DCC: variants seen among roughly 807,000 people sequenced by gnomAD.
DCC encodes netrin receptor DCC.
DCC carries 58 observed loss-of-function variants against 172.5 expected under a neutral mutation model. The observed-to-expected ratio is 0.34, with a 90% CI of 0.27 to 0.42. The LOEUF (loss-of-function observed/expected upper bound fraction) is 0.42. Among genes scored for constraint, DCC ranks in the 10% least tolerant of loss-of-function variants. The probability of loss-of-function intolerance (pLI) is 1.00; values close to 1 mark genes in which losing one functional copy is unlikely to be tolerated. For synonymous variants in DCC, 709 were observed against 644.5 expected (o/e 1.10, Z -1.52); for missense variants, 1,740 against 1,791.0 (o/e 0.97, Z 0.51).
intron 1 of DCC, among the ~76,000 whole-genome samples, chr18:52,650,803 T>C (rs1348580651): frequency 6.6e-6 from 1 of 152,170 alleles, no homozygotes; most frequent in Non-Finnish European, 1.5e-5. Context: ...CATGTGACAG[T>C]GCCAGGGAGA....
rs142337678 is a variant in DCC at position 52,610,925 on chromosome 18, C to T, written c.92-141129C>T. ...GATTTTCCCCAAAGGCTACAGTTTG[C>T]TGACTTTTAAGTAGTGTAAATTTTG... On this transcript the variant is annotated intron_variant, in intron 1 of 28. Transcript: ENST00000442544. Among the ~76,000 whole-genome samples the T allele has an allele frequency of 6.5e-3, 989 of 152,172 alleles. 13 individuals are homozygous for T. Among genetic ancestry groups the T allele is most frequent in the African/African-American group, 0.023 (953 of 41,504 alleles).
chr18:52,649,849 T>C (rs2035094359), intron 1 of DCC, among the ~76,000 whole-genome samples: 1 of 152,240 alleles, frequency 6.6e-6, no homozygotes, highest in Non-Finnish European at 1.5e-5. Flanking sequence ...GTTTATTCCA[T>C]GTCTTTGCTA....
intron 5 of DCC, among the ~76,000 whole-genome samples, chr18:52,969,443 C>G (rs1336315198): frequency 6.6e-6 from 1 of 152,134 alleles, no homozygotes; most frequent in African/African-American, 2.4e-5. Context: ...CTTCCATTGA[C>G]CATTGCCTCA....
At chr18:53,281,695 T>C (rs2056874405) in intron 12 of DCC, among the ~76,000 whole-genome samples, 1 of 152,090 alleles carries the variant, frequency 6.6e-6, no homozygotes, top group Admixed American at 6.6e-5. Flanking sequence ...TAAACTGTTA[T>C]TAGTTTGCAA....
rs565189912 is a variant in DCC at position 52,921,762 on chromosome 18, G to A, written c.698-1945G>A. Among the ~76,000 whole-genome samples, 34 of 150,938 alleles carry A rather than the reference G, an allele frequency of 2.3e-4. 1 individual carries two copies. The highest frequency in any genetic ancestry group is 3.4e-3 in the Middle Eastern group (1 of 292). On this transcript the variant is annotated intron_variant, in intron 3 of 28. Coordinates refer to ENST00000442544, the MANE Select transcript of DCC (RefSeq NM_005215.4). ...GAAAGGAAAAAGTGTCCCTTCCATGGGTAAATTAGTAGCATCGTTGATAGG... is the reference window on the plus strand; with the variant it reads ...GAAAGGAAAAAGTGTCCCTTCCATGAGTAAATTAGTAGCATCGTTGATAGG...
chr18:52,530,153 T>G (rs1324181268), intron 1 of DCC, among the ~76,000 whole-genome samples: 2 of 152,248 alleles, frequency 1.3e-5, no homozygotes. Context: ...AATATTTTCA[T>G]GTGAATTGCT....
chr18:52,577,029 G>T (rs1050647023), intron 1 of DCC, among the ~76,000 whole-genome samples: 2 of 151,934 alleles, frequency 1.3e-5, no homozygotes, highest in Admixed American at 1.3e-4. Context: ...TCAATATTTG[G>T]GTGTTTTCAA....
At chr18:52,560,666 T>C (rs2033016288) in intron 1 of DCC, among the ~76,000 whole-genome samples, 1 of 152,218 alleles carries the variant, frequency 6.6e-6, no homozygotes, top group Non-Finnish European at 1.5e-5. Context: ...TAAAAACCTA[T>C]ACACCAGTCC....
At chr18:52,514,989 C>A (rs1271996907) in intron 1 of DCC, among the ~76,000 whole-genome samples, 1 of 152,104 alleles carries the variant, frequency 6.6e-6, no homozygotes, top group Non-Finnish European at 1.5e-5. Flanking sequence ...GCCACGATAC[C>A]AAATCCAGAC....
At chr18:53,479,326 T>A (rs1289736415) in intron 25 of DCC, among the ~76,000 whole-genome samples, 1 of 152,214 alleles carries the variant, frequency 6.6e-6, no homozygotes, top group African/African-American at 2.4e-5. Flanking sequence ...AGGAACAGTA[T>A]TTTTTATTCA....
At position 53,093,784 on chromosome 18, in the gene DCC, C is replaced by A. The variant is rs183265694; in HGVS notation, c.1261+27618C>A. On this transcript the variant is annotated intron_variant, in intron 7 of 28. Transcript: ENST00000442544. Reference sequence around the variant, plus strand: ...CCTTGGCTGCTGGGAGTAGCCTGAGCAGCGCAGACACTAAAGAGCTTCATC... The same window carrying A: ...CCTTGGCTGCTGGGAGTAGCCTGAGAAGCGCAGACACTAAAGAGCTTCATC... 9.2e-5 allele frequency among the ~76,000 whole-genome samples: 14 copies of A among 152,248 alleles called. No homozygotes were observed. In the East Asian group the frequency reaches 2.7e-3, roughly 29 times the overall value.
intron 1 of DCC, among the ~76,000 whole-genome samples, chr18:52,733,111 A>T (rs2036671576): frequency 1.3e-5 from 2 of 152,186 alleles, no homozygotes. Context: ...ATGTCAAAGC[A>T]TCAAACTCAC....
chr18:52,971,585 T>C (rs1413602118), intron 5 of DCC, among the ~76,000 whole-genome samples: 1 of 151,676 alleles, frequency 6.6e-6, no homozygotes, highest in African/African-American at 2.4e-5. Context: ...GATTATAGAC[T>C]GAAGTAGGGA....
chr18:52,528,281 C>T (rs911450832), intron 1 of DCC, among the ~76,000 whole-genome samples: 19 of 152,114 alleles, frequency 1.2e-4, no homozygotes, highest in African/African-American at 4.3e-4. Flanking sequence ...AAGGCTGATA[C>T]ATATGTGCAT....
chr18:53,217,893 G>A (rs911540875), intron 12 of DCC, among the ~76,000 whole-genome samples: 2 of 151,958 alleles, frequency 1.3e-5, no homozygotes, highest in East Asian at 3.9e-4. Context: ...TGCCCAGGTT[G>A]GAGTGCAGTG....
intron 7 of DCC, among the ~76,000 whole-genome samples, chr18:53,066,425 GTATATA>G (rs147709000): frequency 1.5e-5 from 2 of 133,896 alleles, no homozygotes; most frequent in African/African-American, 5.4e-5. Context: ...GTGTGTTTGT[GTATATA>G]TATATATATA....
chr18:53,394,142 G>A lies in DCC; in HGVS notation c.2688+2255G>A, dbSNP rs145021817. 4.6e-5 allele frequency among the ~76,000 whole-genome samples: 7 copies of A among 152,232 alleles called. No individual in the cohort carries two copies. The East Asian group carries it at 9.7e-4, about 21-fold the overall frequency. On this transcript the variant is annotated intron_variant, in intron 17 of 28. Coordinates refer to ENST00000442544, the MANE Select transcript of DCC (RefSeq NM_005215.4). The stretch of plus-strand genomic sequence containing the variant: ...ACACACAATAGGAAACAAACAAAAT[G>A]TACATGGAGCCACATGACCTGGGCT...
At chr18:53,529,038 T>TCTCTCTCA (rs1203799842) in intron 28 of DCC, among the ~76,000 whole-genome samples, 13 of 65,264 alleles carry the variant, frequency 2.0e-4, no homozygotes, top group South Asian at 6.8e-4. Context: ...TCTCTCTCTC[T>TCTCTCTCA]CACACACACA....
chr18:53,428,706 A>C (rs1313669283), intron 21 of DCC, among the ~76,000 whole-genome samples: 1 of 62,910 alleles, frequency 1.6e-5, no homozygotes, highest in Admixed American at 2.8e-4. Flanking sequence ...TATATTTTAT[A>C]TATTATATAT....
Sources: gnomAD v4.1 joint callset for allele counts (sites outside exome capture counted in the v4.1 genomes callset) on GRCh38, gnomAD v4.1.1 for gene constraint, MANE v1.5 for transcripts, NCBI Gene and HGNC (gene_info 2026-07-23, HGNC 2026-07-21) for gene names.